Variants in EDIL3 observed in about 807,000 individuals in gnomAD.
EDIL3 encodes EGF-like repeat and discoidin I-like domain-containing protein 3.
EDIL3 carries 37 observed loss-of-function variants against 67.4 expected under a neutral mutation model. That is an observed-to-expected ratio of 0.55 (90% CI 0.42 to 0.72). The LOEUF is 0.72. EDIL3 is among the 30% of genes least tolerant of loss of function. The pLI is 0.00. For synonymous variants in EDIL3, 195 were observed against 196.3 expected, an observed-to-expected ratio of 0.99 and a Z score of 0.05; for missense variants, 527 against 586.3, an observed-to-expected ratio of 0.90 and a Z score of 1.04.
intron 9 of EDIL3, among the ~76,000 whole-genome samples, chr5:84,008,558 C>A (rs769412194): frequency 1.3e-5 from 2 of 151,922 alleles, no homozygotes; most frequent in African/African-American, 4.8e-5. Flanking sequence ...GGAAAAACAG[C>A]ACTAAAAACA....
intron 1 of EDIL3, among the ~76,000 whole-genome samples, chr5:84,303,995 T>C (rs898211375): frequency 1.3e-5 from 2 of 152,106 alleles, no homozygotes; most frequent in Non-Finnish European, 2.9e-5. Context: ...TATCAATCCA[T>C]ATAAATTTAT....
chr5:84,066,132 AAG>A, intron 7 of EDIL3, among the ~76,000 whole-genome samples: 1 of 151,800 alleles, frequency 6.6e-6, no homozygotes, highest in East Asian at 1.9e-4. Context: ...AAAAAAAAAA[AAG>A]TGCGTTAATC....
intron 9 of EDIL3, among the ~76,000 whole-genome samples, chr5:84,043,239 A>T (rs1746163024): frequency 6.6e-6 from 1 of 152,208 alleles, no homozygotes; most frequent in African/African-American, 2.4e-5. Flanking sequence ...TTCCTTGCTT[A>T]GAGTGGTCCA....
At chr5:84,225,489 G>A (rs1413156420) in intron 3 of EDIL3, among the ~76,000 whole-genome samples, 7 of 151,516 alleles carry the variant, frequency 4.6e-5, no homozygotes, top group Admixed American at 1.3e-4. Flanking sequence ...CTGTTTTAAC[G>A]AGGCAGTTTT....
At chr5:84,216,806 A>G (rs958499445) in intron 3 of EDIL3, among the ~76,000 whole-genome samples, 1 of 152,238 alleles carries the variant, frequency 6.6e-6, no homozygotes, top group Non-Finnish European at 1.5e-5. Context: ...TGCAGTCCCT[A>G]TTACAGGATG....
At chr5:83,970,162 T>C (rs1020798449) in intron 9 of EDIL3, among the ~76,000 whole-genome samples, 2 of 151,200 alleles carry the variant, frequency 1.3e-5, no homozygotes, top group African/African-American at 4.9e-5. Flanking sequence ...TGTATATTTT[T>C]GACAATTGAA....
chr5:84,121,299 G>C (rs1190145340), intron 5 of EDIL3, among the ~76,000 whole-genome samples: 1 of 151,918 alleles, frequency 6.6e-6, no homozygotes, highest in Non-Finnish European at 1.5e-5. Context: ...AATATTTTAA[G>C]TGAAGTTGTG....
intron 3 of EDIL3, among the ~76,000 whole-genome samples, chr5:84,215,942 C>A (rs1191782795): frequency 1.3e-5 from 2 of 152,158 alleles, no homozygotes; most frequent in Non-Finnish European, 2.9e-5. Context: ...AGGGCCTGGG[C>A]AGAAGAGTGA....
intron 3 of EDIL3, among the ~76,000 whole-genome samples, chr5:84,196,409 G>A (rs543198956): frequency 6.6e-6 from 1 of 152,100 alleles, no homozygotes; most frequent in East Asian, 1.9e-4. Flanking sequence ...GGGAACCACA[G>A]TCCAATCCCA....
At chr5:84,066,356 C>T in intron 7 of EDIL3, 95 bp downstream of exon 7, 2 of 1,331,492 alleles carry the variant, frequency 1.5e-6, no homozygotes, top group Non-Finnish European at 2.0e-6. Flanking sequence ...TTATTTTCAT[C>T]AACATAAGTC....
chr5:84,018,381 C>T (rs1745646929), intron 9 of EDIL3, among the ~76,000 whole-genome samples: 1 of 152,144 alleles, frequency 6.6e-6, no homozygotes, highest in African/African-American at 2.4e-5. Flanking sequence ...ACTCTTGCTT[C>T]CCTGAACAGA....
intron 1 of EDIL3, among the ~76,000 whole-genome samples, chr5:84,312,540 G>A (rs887712323): frequency 1.4e-5 from 2 of 144,724 alleles, no homozygotes; most frequent in African/African-American, 2.6e-5. Context: ...CCGGACAGGG[G>A]TGGCTGGCCT....
intron 9 of EDIL3, among the ~76,000 whole-genome samples, chr5:83,970,638 T>C (rs1744774420): frequency 9.1e-6 from 1 of 110,288 alleles, no homozygotes; most frequent in Non-Finnish European, 1.8e-5. Flanking sequence ...TGACATAGGA[T>C]CACAGTATAT....
intron 9 of EDIL3, among the ~76,000 whole-genome samples, chr5:83,995,122 A>C (rs1012978362): frequency 6.7e-6 from 1 of 148,966 alleles, no homozygotes; most frequent in African/African-American, 2.5e-5. Flanking sequence ...ATTTTTATTT[A>C]ATTCCCGAAA....
At chr5:84,099,903 A>G (rs906817972) in intron 6 of EDIL3, among the ~76,000 whole-genome samples, 16 of 152,160 alleles carry the variant, frequency 1.1e-4, no homozygotes, top group South Asian at 2.1e-4. Context: ...ACCCATCAAA[A>G]AGTGGTCAAA....
chr5:84,362,338 T>C (rs1649612817), intron 1 of EDIL3, among the ~76,000 whole-genome samples: 1 of 152,114 alleles, frequency 6.6e-6, no homozygotes, highest in South Asian at 2.1e-4. Context: ...TGAATAAGGC[T>C]TACATTTTTA....
chr5:83,958,409 T>C (rs1744551402), intron 10 of EDIL3, among the ~76,000 whole-genome samples: 1 of 151,570 alleles, frequency 6.6e-6, no homozygotes, highest in Non-Finnish European at 1.5e-5. Flanking sequence ...TTGATGAATA[T>C]ACGTGTGATT....
chr5:83,971,448 T>G (rs534496411), intron 9 of EDIL3, among the ~76,000 whole-genome samples: 19 of 151,930 alleles, frequency 1.3e-4, no homozygotes, highest in Admixed American at 7.2e-4. Flanking sequence ...CCTTTTATTT[T>G]TTGCAGAAAG....
intron 5 of EDIL3, among the ~76,000 whole-genome samples, chr5:84,124,748 G>C (rs1747836492): frequency 6.6e-6 from 1 of 151,926 alleles, no homozygotes; most frequent in African/African-American, 2.4e-5. Context: ...ACGGTTAATA[G>C]CTTTGTGGGA....
Sources: gnomAD v4.1 joint callset for allele counts (sites outside exome capture counted in the v4.1 genomes callset) on GRCh38, gnomAD v4.1.1 for gene constraint, MANE v1.5 for transcripts, NCBI Gene and HGNC (gene_info 2026-07-23, HGNC 2026-07-21) for gene names.